Variants in DPYD observed in about 807,000 individuals in gnomAD.
The protein encoded by DPYD is dihydropyrimidine dehydrogenase, also known as dihydropyrimidine dehydrogenase [NADP(+)].
A neutral mutation model predicts 116.2 loss-of-function variants in DPYD; 109 were observed. The ratio of observed to expected loss-of-function variants is 0.94; its 90% CI spans 0.80 to 1.10. The LOEUF is 1.10. DPYD is among the 50% of genes least tolerant of loss of function. DPYD has a pLI of 0.00. For synonymous variants in DPYD, 440 were observed against 432.0 expected, an observed-to-expected ratio of 1.02 and a Z score of -0.23; for missense variants, 1,302 against 1,254.5, an observed-to-expected ratio of 1.04 and a Z score of -0.57.
At chr1:97,834,459 C>A (rs531507327) in intron 2 of DPYD, among the ~76,000 whole-genome samples, 1 of 151,516 alleles carries the variant, frequency 6.6e-6, no homozygotes, top group African/African-American at 2.4e-5. Context: ...AGTGATATAT[C>A]AGCAATAATT....
At chr1:97,551,847 A>T (rs1651343387) in intron 11 of DPYD, among the ~76,000 whole-genome samples, 2 of 152,284 alleles carry the variant, frequency 1.3e-5, no homozygotes, top group South Asian at 2.1e-4. Context: ...TCTGTACTGA[A>T]CGTGTACATA....
At chr1:97,895,028 G>A (rs904388213) in intron 1 of DPYD, among the ~76,000 whole-genome samples, 9 of 151,778 alleles carry the variant, frequency 5.9e-5, no homozygotes, top group Admixed American at 2.6e-4. Context: ...GGATTATTAC[G>A]TTACCAAAAA....
intron 14 of DPYD, chr1:97,394,286 CTTTAG>C (rs1239687513): frequency 6.6e-6 from 1 of 152,060 alleles, no homozygotes; most frequent in African/African-American, 2.4e-5. Flanking sequence ...TGCAGAAGCT[CTTTAG>C]TTTAATTAGA....
chr1:97,802,299 T>C (rs1352337488), intron 3 of DPYD, among the ~76,000 whole-genome samples: 1 of 151,906 alleles, frequency 6.6e-6, no homozygotes, highest in Non-Finnish European at 1.5e-5. Flanking sequence ...AGACAAATCT[T>C]TCTTCTGCCT....
In DPYD at chr1:97,824,408, A is replaced by G. The variant is rs947895913; in HGVS notation, c.233+3706T>C. ...CAAGTGTCATATTAGCAACACAAAA[A>G]CTTCCCTTTAGGGCAGCACAGAACA... On this transcript the variant is annotated intron_variant, in intron 3 of 22. Coordinates refer to ENST00000370192, the MANE Select transcript of DPYD (RefSeq NM_000110.4). Among the ~76,000 whole-genome samples the G allele has an allele frequency of 4.6e-5, 7 of 152,282 alleles. 1 individual carries two copies. Among genetic ancestry groups the G allele is most frequent in the Admixed American group, 4.6e-4 (7 of 15,284 alleles).
intron 19 of DPYD, among the ~76,000 whole-genome samples, chr1:97,210,538 A>G (rs1019705308): frequency 1.3e-5 from 2 of 152,094 alleles, no homozygotes; most frequent in African/African-American, 4.8e-5. Flanking sequence ...GTATGCACAT[A>G]TCTGCTTTGT....
At chr1:97,318,825 T>C (rs957024780) in intron 16 of DPYD, among the ~76,000 whole-genome samples, 20 of 150,512 alleles carry the variant, frequency 1.3e-4, no homozygotes, top group African/African-American at 4.7e-4. Context: ...GACCACATAG[T>C]TGGAAGTAAA....
Position 97,870,787 on chromosome 1 carries a change from G to A in DPYD, c.150+12477C>T, listed in dbSNP as rs531533651. On this transcript the variant is annotated intron_variant, in intron 2 of 22. Coordinates refer to ENST00000370192, the MANE Select transcript of DPYD (RefSeq NM_000110.4). ...CAGATGTCAAAGTGCTCCCTCTAATGTCCTTTAATCATCACTCCGATTAGT... is the reference window on the plus strand; with the variant it reads ...CAGATGTCAAAGTGCTCCCTCTAATATCCTTTAATCATCACTCCGATTAGT... 3.6e-4 allele frequency among the ~76,000 whole-genome samples: 55 copies of A among 151,910 alleles called. 1 individual carries two copies. In the South Asian group the frequency reaches 8.1e-3, roughly 22 times the overall value.
chr1:97,865,619 A>G (rs1671337816), intron 2 of DPYD, among the ~76,000 whole-genome samples: 1 of 151,944 alleles, frequency 6.6e-6, no homozygotes, highest in Non-Finnish European at 1.5e-5. Context: ...ATAACAGTAA[A>G]TGTGTGTGTT....
At chr1:97,777,676 A>C (rs1571340953) in intron 3 of DPYD, among the ~76,000 whole-genome samples, 1 of 152,138 alleles carries the variant, frequency 6.6e-6, no homozygotes, top group African/African-American at 2.4e-5. Context: ...AACCTCCTCC[A>C]TGCACATAAT....
intron 3 of DPYD, among the ~76,000 whole-genome samples, chr1:97,781,149 G>A (rs1193703021): frequency 6.6e-6 from 1 of 152,094 alleles, no homozygotes; most frequent in African/African-American, 2.4e-5. Context: ...ACCTCCACCT[G>A]TATCTTCATT....
intron 8 of DPYD, among the ~76,000 whole-genome samples, chr1:97,632,341 C>T (rs1312110457): frequency 6.6e-6 from 1 of 152,086 alleles, no homozygotes; most frequent in Non-Finnish European, 1.5e-5. Context: ...CGATGTAATC[C>T]TGTGTTCTAG....
chr1:97,376,477 A>G (rs1438951039), intron 15 of DPYD, among the ~76,000 whole-genome samples: 1 of 152,216 alleles, frequency 6.6e-6, no homozygotes, highest in Non-Finnish European at 1.5e-5. Context: ...TGAAATGTGT[A>G]TCCAAGCCTC....
chr1:97,761,114 T>C (rs1021630490), intron 3 of DPYD, among the ~76,000 whole-genome samples: 1 of 152,056 alleles, frequency 6.6e-6, no homozygotes, highest in African/African-American at 2.4e-5. Context: ...GTTTAAGACA[T>C]GGTTCTACAT....
intron 3 of DPYD, among the ~76,000 whole-genome samples, chr1:97,795,737 T>C (rs1195642809): frequency 1.3e-5 from 2 of 151,946 alleles, no homozygotes; most frequent in Non-Finnish European, 2.9e-5. Context: ...AATTAACATA[T>C]ACATATACTC....
intron 4 of DPYD, among the ~76,000 whole-genome samples, chr1:97,726,772 TATTG>T (rs1193535336): frequency 6.6e-6 from 1 of 151,060 alleles, no homozygotes; most frequent in African/African-American, 2.4e-5. Flanking sequence ...TCCACAAGAA[TATTG>T]ATTGTTTCAT....
chr1:97,133,240 A>C (rs547825514), intron 20 of DPYD, among the ~76,000 whole-genome samples: 1 of 152,190 alleles, frequency 6.6e-6, no homozygotes, highest in South Asian at 2.1e-4. Context: ...TGGGTTATAT[A>C]TTACATACAT....
chr1:97,693,290 CAAAAAAAA>C (rs201872835), intron 6 of DPYD, among the ~76,000 whole-genome samples: 21 of 41,828 alleles, frequency 5.0e-4, no homozygotes, highest in African/African-American at 2.5e-3. Flanking sequence ...GACTCCGTCT[CAAAAAAAA>C]AAAAAAAAAA....
At chr1:97,550,472 A>G (rs910556470) in intron 11 of DPYD, among the ~76,000 whole-genome samples, 29 of 152,306 alleles carry the variant, frequency 1.9e-4, no homozygotes, top group African/African-American at 7.0e-4. Context: ...GTGTTTCTTT[A>G]AGAAAAATAT....
Sources: allele counts gnomAD v4.1 joint callset (sites outside exome capture counted in the v4.1 genomes callset), GRCh38; gene constraint gnomAD v4.1.1; transcripts MANE v1.5; gene names NCBI Gene and HGNC (gene_info 2026-07-23, HGNC 2026-07-21).